Variants in ZNF655 observed in about 807,000 individuals in gnomAD.
ZNF655 encodes Vav-interacting Kruppel-like protein 1.
In ZNF655, 3 loss-of-function variants were observed where a neutral mutation model predicts 6.6. The observed-to-expected ratio is 0.46, with a 90% confidence interval of 0.21 to 1.18. The LOEUF is 1.18. Ranked by LOEUF, ZNF655 falls within the 50% of genes most tolerant of loss-of-function variation. ZNF655 has a pLI of 0.24. For synonymous variants in ZNF655, 178 were observed against 195.0 expected, an observed-to-expected ratio of 0.91 and a Z score of 0.73; for missense variants, 526 against 572.3, an observed-to-expected ratio of 0.92 and a Z score of 0.83.
At chr7:99,562,661 A>G (rs1803292489) in intron 2 of ZNF655, among the ~76,000 whole-genome samples, 2 of 152,104 alleles carry the variant, frequency 1.3e-5, no homozygotes, top group Admixed American at 1.3e-4. Flanking sequence ...AGGGGTAATT[A>G]ACGTTTGTTT....
intron 2 of ZNF655, among the ~76,000 whole-genome samples, 192 bp from the exon 3 acceptor site, chr7:99,572,053 C>T (rs555910783): frequency 1.1e-4 from 16 of 152,224 alleles, no homozygotes; most frequent in South Asian, 1.0e-3. Flanking sequence ...TGAACATGTC[C>T]GCTGTTTTAC....
chr7:99,559,991 T>G (rs1223782114), intron 1 of ZNF655, among the ~76,000 whole-genome samples: 1 of 152,084 alleles, frequency 6.6e-6, no homozygotes, highest in Non-Finnish European at 1.5e-5. Flanking sequence ...CGTGTTAATT[T>G]TTTTAATGCC....
At chr7:99,560,901 C>A in intron 2 of ZNF655, 1 of 467,430 alleles carries the variant, frequency 2.1e-6, no homozygotes, top group Non-Finnish European at 3.5e-6. Context: ...CTCAAATAAG[C>A]AGAGTGATGG....
At chr7:99,561,930 G>A in intron 2 of ZNF655, 1 of 1,598,562 alleles carries the variant, frequency 6.3e-7, no homozygotes, top group Admixed American at 1.7e-5. Flanking sequence ...CGTGAGGGAA[G>A]CCCAGGAGAC....
At chr7:99,562,697 C>T (rs1259622318) in intron 2 of ZNF655, among the ~76,000 whole-genome samples, 1 of 152,064 alleles carries the variant, frequency 6.6e-6, no homozygotes, top group Non-Finnish European at 1.5e-5. Context: ...AGACATTCTC[C>T]TCCTTATCCC....
intron 2 of ZNF655, among the ~76,000 whole-genome samples, chr7:99,568,043 A>G (rs1295888175): frequency 6.9e-6 from 1 of 145,660 alleles, no homozygotes; most frequent in South Asian, 2.2e-4. Context: ...TGGGCGACAG[A>G]GCGAGACTCC....
chr7:99,562,369 A>G (rs1215803495), intron 2 of ZNF655: 1 of 1,613,836 alleles, frequency 6.2e-7, no homozygotes, highest in Non-Finnish European at 8.5e-7. Context: ...TTATTTCAGG[A>G]GTTTGTGACA....
intron 2 of ZNF655, among the ~76,000 whole-genome samples, chr7:99,565,501 G>A (rs913776455): frequency 4.6e-5 from 7 of 152,198 alleles, no homozygotes; most frequent in African/African-American, 1.7e-4. Context: ...ACATTAGAAC[G>A]TTGGTCCTTT....
chr7:99,565,653 G>T (rs1803565258), intron 2 of ZNF655, among the ~76,000 whole-genome samples: 1 of 152,094 alleles, frequency 6.6e-6, no homozygotes, highest in Non-Finnish European at 1.5e-5. Context: ...TTTGCCTCTG[G>T]GTCACTATCC....
chr7:99,566,823 G>A (rs1270129966), intron 2 of ZNF655, among the ~76,000 whole-genome samples: 1 of 152,168 alleles, frequency 6.6e-6, no homozygotes, highest in African/African-American at 2.4e-5. Context: ...CCAGAGTCCT[G>A]GGATTACACA....
chr7:99,564,941 T>C (rs1300468526), intron 2 of ZNF655, among the ~76,000 whole-genome samples: 1 of 152,214 alleles, frequency 6.6e-6, no homozygotes, highest in African/African-American at 2.4e-5. Flanking sequence ...AGCAGTTATT[T>C]TTACAATCCT....
intron 2 of ZNF655, chr7:99,564,239 A>G: frequency 7.4e-7 from 1 of 1,354,170 alleles, no homozygotes; most frequent in Non-Finnish European, 9.4e-7. Flanking sequence ...GTCATCATCT[A>G]CTTGTATTGT....
At chr7:99,566,459 A>G (rs946329062) in intron 2 of ZNF655, among the ~76,000 whole-genome samples, 1 of 152,234 alleles carries the variant, frequency 6.6e-6, no homozygotes, top group African/African-American at 2.4e-5. Flanking sequence ...CTAAGGAGAG[A>G]TATTATTTGT....
At chr7:99,564,966 C>T (rs1276751221) in intron 2 of ZNF655, among the ~76,000 whole-genome samples, 2 of 152,146 alleles carry the variant, frequency 1.3e-5, no homozygotes, top group East Asian at 3.9e-4. Context: ...AAATCATTTT[C>T]ATATTTTTGG....
intron 1 of ZNF655, among the ~76,000 whole-genome samples, chr7:99,559,922 G>A (rs893327470): frequency 1.7e-4 from 25 of 151,290 alleles, no homozygotes; most frequent in African/African-American, 5.3e-4. Context: ...GCCACCGCAC[G>A]TGGCCAATTT....
rs766611875 is a variant in ZNF655 at position 99,573,377 on chromosome 7, T to G, written c.1269T>G (p.Leu423=). Residue 423 remains leucine, a synonymous_variant, in exon 3 of 3, where the codon CTT becomes CTG. Transcript: ENST00000252713. ...CGKAFSQTSC[L]IQHHKMHRKE... Reference sequence around the variant, plus strand: ...AAGCTTTCAGTCAAACCTCATGCCTTATTCAGCATCACAAAATGCATAGGA... The same window carrying G: ...AAGCTTTCAGTCAAACCTCATGCCTGATTCAGCATCACAAAATGCATAGGA... 1.9e-6 allele frequency: 3 copies of G among 1,614,180 alleles called. No homozygotes were observed. Among genetic ancestry groups the G allele is most frequent in the Non-Finnish European group, 2.5e-6 (3 of 1,180,008 alleles).
At position 99,560,546 on chromosome 7, in the gene ZNF655, C is replaced by G. The variant is rs745754254; in HGVS notation, c.-14C>G. On this transcript the variant is annotated 5_prime_UTR_variant, in exon 2 of 3. Transcript: ENST00000252713. ...CTTACCTTGCAGTGATGGTCATTGT[C>G]CTCCAGAGCAGTGATGGAGGAAATA... 1.1e-5 allele frequency: 17 copies of G among 1,612,608 alleles called. No homozygotes were observed. The East Asian group carries it at 3.1e-4, about 30-fold the overall frequency.
chr7:99,571,741 G>C, intron 2 of ZNF655: 1 of 1,610,500 alleles, frequency 6.2e-7, no homozygotes, highest in Non-Finnish European at 8.5e-7. Context: ...GGATCTACAG[G>C]TCTTTGATCT....
chr7:99,571,250 C>G (rs1409538484), intron 2 of ZNF655: 1 of 1,289,052 alleles, frequency 7.8e-7, no homozygotes. Flanking sequence ...CACTGATTCT[C>G]TTGCTACAGG....
Sources: allele counts gnomAD v4.1 joint callset (sites outside exome capture counted in the v4.1 genomes callset), GRCh38; gene constraint gnomAD v4.1.1; transcripts MANE v1.5; gene names NCBI Gene and HGNC (gene_info 2026-07-23, HGNC 2026-07-21).